Variants in CWC27 observed in about 807,000 individuals in gnomAD.
The protein encoded by CWC27 is CWC27 spliceosome associated cyclophilin.
CWC27 carries 47 observed loss-of-function variants against 63.6 expected under a neutral mutation model. The ratio of observed to expected loss-of-function variants is 0.74; its 90% CI spans 0.58 to 0.94. CWC27 has a LOEUF of 0.94. CWC27 is among the 40% of genes least tolerant of loss of function. The pLI, the probability that CWC27 is intolerant of heterozygous loss-of-function variation, is 0.00. For synonymous variants in CWC27, 175 were observed against 179.8 expected, an observed-to-expected ratio of 0.97 and a Z score of 0.22; for missense variants, 495 against 554.3, an observed-to-expected ratio of 0.89 and a Z score of 1.07.
In CWC27 at chr5:64,918,768, A is replaced by G. The variant is rs559273904; in HGVS notation, c.1042+33222A>G. Among the ~76,000 whole-genome samples, 3 of 152,186 alleles carry G rather than the reference A, an allele frequency of 2.0e-5. No individual in the cohort carries two copies. The East Asian group carries it at 5.8e-4, about 29-fold the overall frequency. On this transcript the variant is annotated intron_variant, in intron 11 of 13. Transcript: ENST00000381070. ...TTTTTCTTCATTTTTTCTGTTTAAT[A>G]TAATAGTATCTCTCACTTTCTTAAA...
At chr5:64,969,930 G>A (rs1749087223) in intron 11 of CWC27, among the ~76,000 whole-genome samples, 1 of 152,176 alleles carries the variant, frequency 6.6e-6, no homozygotes, top group African/African-American at 2.4e-5. Flanking sequence ...CAGTATCCCT[G>A]AAGGAAGAAA....
intron 11 of CWC27, among the ~76,000 whole-genome samples, chr5:64,918,839 C>T (rs1460522642): frequency 6.6e-6 from 1 of 152,064 alleles, no homozygotes; most frequent in African/African-American, 2.4e-5. Context: ...TACCAGAGTC[C>T]TGTCCAATTC....
At chr5:64,986,718 A>T (rs2567424) in intron 13 of CWC27, among the ~76,000 whole-genome samples, 67,760 of 150,174 alleles carry the variant, frequency 0.45, 15,310 homozygotes, top group African/African-American at 0.48. Context: ...GGAGTTTCTT[A>T]CTGTCATGCT....
intron 10 of CWC27, among the ~76,000 whole-genome samples, chr5:64,883,957 A>G (rs1747005451): frequency 6.6e-6 from 1 of 152,206 alleles, no homozygotes. Context: ...ACATACTGGA[A>G]TCATCTGGGG....
In CWC27 at chr5:64,768,994, T is replaced by C. The variant is rs1370859047; in HGVS notation, c.-153T>C. On this transcript the variant is annotated 5_prime_UTR_variant, in exon 1 of 14. Transcript: ENST00000381070. ...GAGGGGCTCCTTTGGGCAGGGGTAG[T>C]GTTTGGTGTCCCTGTCTTGCGTGAT... 4.6e-6 allele frequency: 3 copies of C among 655,378 alleles called. No individual in the cohort carries two copies. The highest frequency in any genetic ancestry group is 3.6e-5 in the African/African-American group (2 of 55,540). 40.6% of individuals were successfully genotyped at this position (655,378 alleles called of 1,614,324 possible). A position where few individuals can be genotyped will look rare whatever the true frequency, so the allele number is the denominator to read the frequency against.
chr5:64,784,812 C>T (rs1192822501), intron 4 of CWC27, among the ~76,000 whole-genome samples: 1 of 152,194 alleles, frequency 6.6e-6, no homozygotes, highest in Non-Finnish European at 1.5e-5. Flanking sequence ...AGGAAATATG[C>T]ATTGGCACAT....
intron 10 of CWC27, among the ~76,000 whole-genome samples, chr5:64,812,320 C>G (rs144161439): frequency 1.3e-5 from 2 of 152,224 alleles, no homozygotes; most frequent in East Asian, 3.9e-4. Flanking sequence ...ATGTGCCTCT[C>G]TTCATCTCAC....
At chr5:64,830,790 G>A (rs1037170076) in intron 10 of CWC27, among the ~76,000 whole-genome samples, 2 of 152,104 alleles carry the variant, frequency 1.3e-5, no homozygotes, top group East Asian at 1.9e-4. Flanking sequence ...ACTTCTCAAA[G>A]GAAGACATTT....
At chr5:64,932,340 T>C (rs1748254741) in intron 11 of CWC27, among the ~76,000 whole-genome samples, 1 of 151,944 alleles carries the variant, frequency 6.6e-6, no homozygotes, top group Non-Finnish European at 1.5e-5. Flanking sequence ...CAATTTATAA[T>C]CTCAATGGCC....
chr5:64,941,075 A>G (rs1177372677), intron 11 of CWC27, among the ~76,000 whole-genome samples: 1 of 151,662 alleles, frequency 6.6e-6, no homozygotes, highest in Non-Finnish European at 1.5e-5. Flanking sequence ...TGAACTCTTG[A>G]CCTCAAGTGA....
At chr5:64,880,789 C>G (rs1746914812) in intron 10 of CWC27, among the ~76,000 whole-genome samples, 1 of 145,630 alleles carries the variant, frequency 6.9e-6, no homozygotes, top group Non-Finnish European at 1.5e-5. Flanking sequence ...TATTAAAATT[C>G]AAATGAAATA....
At chr5:64,878,615 T>C (rs985342705) in intron 10 of CWC27, among the ~76,000 whole-genome samples, 6 of 151,408 alleles carry the variant, frequency 4.0e-5, no homozygotes, top group East Asian at 3.9e-4. Context: ...ATCAATGAGG[T>C]TGACAATTTT....
rs562930576 is a variant in CWC27 at position 64,962,923 on chromosome 5, C to CT, written c.1043-8779dup. ...GAACAGAACAATCCCCAAGAACAATCTGAGTGATAGAACATAATAACTTTG... is the reference window on the plus strand; with the variant it reads ...GAACAGAACAATCCCCAAGAACAATCTTGAGTGATAGAACATAATAACTTTG... On this transcript the variant is annotated intron_variant, in intron 11 of 13. Transcript: ENST00000381070. Among the ~76,000 whole-genome samples the CT allele has an allele frequency of 4.1e-3, 621 of 152,226 alleles. 2 individuals are homozygous for CT. Among genetic ancestry groups the CT allele is most frequent in the African/African-American group, 0.014 (580 of 41,522 alleles).
At chr5:64,812,384 C>T (rs1744904755) in intron 10 of CWC27, among the ~76,000 whole-genome samples, 2 of 152,048 alleles carry the variant, frequency 1.3e-5, no homozygotes, top group African/African-American at 4.8e-5. Context: ...ATTTCTGCTT[C>T]CTTTCATTCT....
intron 12 of CWC27, among the ~76,000 whole-genome samples, chr5:64,975,595 T>C (rs2112445621): frequency 6.6e-6 from 1 of 152,186 alleles, no homozygotes; most frequent in South Asian, 2.1e-4. Flanking sequence ...GATTACAAAA[T>C]TATAGCCACT....
chr5:64,818,643 G>A (rs1745111078), intron 10 of CWC27, among the ~76,000 whole-genome samples: 1 of 152,124 alleles, frequency 6.6e-6, no homozygotes, highest in Non-Finnish European at 1.5e-5. Flanking sequence ...AGTTTTGGGT[G>A]AAGTATGTAT....
intron 13 of CWC27, among the ~76,000 whole-genome samples, chr5:65,011,577 A>G (rs531850643): frequency 5.3e-5 from 8 of 152,350 alleles, no homozygotes; most frequent in African/African-American, 1.9e-4. Flanking sequence ...AACAGGCTGG[A>G]GAGGGAAGCA....
At chr5:64,940,303 A>C (rs1748447569) in intron 11 of CWC27, among the ~76,000 whole-genome samples, 1 of 152,124 alleles carries the variant, frequency 6.6e-6, no homozygotes, top group Admixed American at 6.5e-5. Flanking sequence ...AAAGCTTAGT[A>C]TCTGGGCTGG....
At chr5:64,774,039 A>G (rs959509130) in intron 1 of CWC27, 4 of 152,234 alleles carry the variant, frequency 2.6e-5, no homozygotes, top group Non-Finnish European at 5.9e-5. Context: ...ATTGTCCTAT[A>G]ATGTCACAAT....
Sources: gnomAD v4.1 joint callset for allele counts (sites outside exome capture counted in the v4.1 genomes callset) on GRCh38, gnomAD v4.1.1 for gene constraint, MANE v1.5 for transcripts, NCBI Gene and HGNC (gene_info 2026-07-23, HGNC 2026-07-21) for gene names.